The following IL1RAPL2 variants were observed in gnomAD, a reference collection of about 807,000 sequenced individuals.
IL1RAPL2 encodes the protein X-linked interleukin-1 receptor accessory protein-like 2.
A neutral mutation model predicts 44.1 loss-of-function variants in IL1RAPL2; 3 were observed. The ratio of observed to expected loss-of-function variants is 0.07; its 90% CI spans 0.03 to 0.18. The LOEUF (loss-of-function observed/expected upper bound fraction) is 0.18. IL1RAPL2 is among the 10% of genes least tolerant of loss of function. The pLI is 1.00. For synonymous variants in IL1RAPL2, 181 were observed against 178.8 expected (o/e 1.01, Z -0.10); for missense variants, 391 against 496.4 (o/e 0.79, Z 2.02).
intron 2 of IL1RAPL2, among the ~76,000 whole-genome samples, chrX:104,936,189 T>C (rs1423253254): frequency 8.9e-6 from 1 of 112,006 alleles, no homozygotes; most frequent in Non-Finnish European, 1.9e-5. Flanking sequence ...TCCCTTCTCC[T>C]GTTCCAAAAG....
chrX:105,699,185 T>G (rs2038100593), intron 6 of IL1RAPL2, among the ~76,000 whole-genome samples: 1 of 111,498 alleles, frequency 9.0e-6, no homozygotes, highest in African/African-American at 3.3e-5. Flanking sequence ...TTTGTAATCT[T>G]GCATTCTTCT....
intron 2 of IL1RAPL2, among the ~76,000 whole-genome samples, chrX:105,054,097 G>A (rs2031962107): frequency 9.0e-6 from 1 of 111,541 alleles, no homozygotes. Flanking sequence ...GCAGTTAAGG[G>A]TCAAAGTGGG....
At chrX:104,728,270 T>C (rs1385459618) in intron 2 of IL1RAPL2, among the ~76,000 whole-genome samples, 1 of 111,096 alleles carries the variant, frequency 9.0e-6, no homozygotes, top group Non-Finnish European at 1.9e-5. Context: ...CATAGACACT[T>C]GGTGAAAGAA....
intron 5 of IL1RAPL2, among the ~76,000 whole-genome samples, chrX:105,301,241 T>C (rs928735136): frequency 2.0e-4 from 22 of 111,430 alleles, no homozygotes; most frequent in African/African-American, 7.2e-4. Flanking sequence ...ATTGGTGATG[T>C]AGGCTTTTTA....
chrX:105,385,176 C>T (rs1602387808), intron 5 of IL1RAPL2, among the ~76,000 whole-genome samples: 1 of 111,318 alleles, frequency 9.0e-6, no homozygotes, highest in Non-Finnish European at 1.9e-5. Context: ...GCATCCTTAT[C>T]GTATTCCAAA....
At chrX:104,855,233 T>C (rs894828931) in intron 2 of IL1RAPL2, among the ~76,000 whole-genome samples, 1 of 111,630 alleles carries the variant, frequency 9.0e-6, no homozygotes, top group African/African-American at 3.3e-5. Context: ...TGGACATGGG[T>C]CCAGAGAATA....
chrX:104,735,562 C>T (rs1259638177), intron 2 of IL1RAPL2, among the ~76,000 whole-genome samples: 3 of 111,427 alleles, frequency 2.7e-5, no homozygotes, highest in Admixed American at 1.9e-4. Flanking sequence ...TTAGTGTTGT[C>T]TACTTCTTTA....
At chrX:104,973,861 T>C (rs1405072428) in intron 2 of IL1RAPL2, among the ~76,000 whole-genome samples, 2 of 112,007 alleles carry the variant, frequency 1.8e-5, no homozygotes, top group Non-Finnish European at 3.8e-5. Flanking sequence ...AGAATCCTTT[T>C]GATGCAAAAT....
chrX:105,322,379 G>T (rs2034903341), intron 5 of IL1RAPL2, among the ~76,000 whole-genome samples: 1 of 112,490 alleles, frequency 8.9e-6, no homozygotes, highest in Non-Finnish European at 1.9e-5. Flanking sequence ...TGCAGGTACA[G>T]TGTAGCTGGT....
rs768528401 is a variant in IL1RAPL2 at position 105,469,228 on chromosome X, A to C, written c.698-15085A>C. Among the ~76,000 whole-genome samples, 350 of 111,486 alleles carry C rather than the reference A, an allele frequency of 3.1e-3. 2 individuals are homozygous for C. Among genetic ancestry groups the C allele is most frequent in the Non-Finnish European group, 5.5e-3 (292 of 53,006 alleles). On this transcript the variant is annotated intron_variant, in intron 5 of 10. Coordinates refer to ENST00000372582, the MANE Select transcript of IL1RAPL2 (RefSeq NM_017416.2). ...GTCCAAAAAAGATTGTCTAGGATGG[A>C]AAAGGGTTTTGGAAAACATGTCACC...
chrX:105,390,272 A>G (rs1250694229), intron 5 of IL1RAPL2, among the ~76,000 whole-genome samples: 1 of 111,281 alleles, frequency 9.0e-6, no homozygotes, highest in Admixed American at 9.6e-5. Context: ...CTCAAATCCC[A>G]CCATTCTCTA....
At chrX:104,601,647 C>A (rs960430546) in intron 1 of IL1RAPL2, among the ~76,000 whole-genome samples, 2 of 111,817 alleles carry the variant, frequency 1.8e-5, no homozygotes, top group African/African-American at 6.5e-5. Flanking sequence ...TGTAAGGGTT[C>A]CCTTTTCTCT....
intron 1 of IL1RAPL2, among the ~76,000 whole-genome samples, chrX:104,589,145 A>G (rs1928616665): frequency 8.9e-6 from 1 of 111,771 alleles, no homozygotes; most frequent in Non-Finnish European, 1.9e-5. Flanking sequence ...TAGCATTCCA[A>G]TAATGGAACA....
chrX:104,858,828 T>A (rs1922430262), intron 2 of IL1RAPL2, among the ~76,000 whole-genome samples: 1 of 111,893 alleles, frequency 8.9e-6, no homozygotes, highest in Non-Finnish European at 1.9e-5. Flanking sequence ...CCCCAAAGGA[T>A]CTGAAAATAT....
chrX:105,552,580 C>T (rs893651969), intron 6 of IL1RAPL2, among the ~76,000 whole-genome samples: 3 of 112,010 alleles, frequency 2.7e-5, no homozygotes, highest in African/African-American at 6.5e-5. Context: ...CCAGGCATGA[C>T]ACATAAAAAC....
intron 6 of IL1RAPL2, among the ~76,000 whole-genome samples, chrX:105,571,087 A>C (rs921162340): frequency 1.8e-5 from 2 of 111,830 alleles, no homozygotes; most frequent in Admixed American, 9.5e-5. Flanking sequence ...AAAAGCCTAT[A>C]GAACCTTAGA....
At chrX:105,082,239 C>G (rs1222768523) in intron 2 of IL1RAPL2, among the ~76,000 whole-genome samples, 1 of 111,713 alleles carries the variant, frequency 9.0e-6, no homozygotes, top group African/African-American at 3.3e-5. Context: ...TCCATTTCTT[C>G]TAGGTTTTCT....
chrX:105,227,362 A>G (rs1275375061), intron 3 of IL1RAPL2, among the ~76,000 whole-genome samples: 1 of 112,173 alleles, frequency 8.9e-6, no homozygotes, highest in East Asian at 2.8e-4. Context: ...TAGAGATATC[A>G]TCTATGAATG....
chrX:104,586,314 G>A (rs1478515290), intron 1 of IL1RAPL2, among the ~76,000 whole-genome samples: 2 of 111,353 alleles, frequency 1.8e-5, no homozygotes, highest in Non-Finnish European at 3.8e-5. Context: ...TTTAAAATTT[G>A]TTTAATCCTT....
Sources: allele counts gnomAD v4.1 joint callset (sites outside exome capture counted in the v4.1 genomes callset), GRCh38; gene constraint gnomAD v4.1.1; transcripts MANE v1.5; gene names NCBI Gene and HGNC (gene_info 2026-07-23, HGNC 2026-07-21).